The following ANO2 variants were observed in gnomAD, a reference collection of about 807,000 sequenced individuals.
The protein encoded by ANO2 is anoctamin-2.
A neutral mutation model predicts 124.2 loss-of-function variants in ANO2; 101 were observed. The observed-to-expected ratio is 0.81, with a 90% CI of 0.69 to 0.96. The LOEUF (loss-of-function observed/expected upper bound fraction) is 0.96. Among genes scored for constraint, ANO2 ranks in the 40% least tolerant of loss-of-function variants. The pLI, the probability that ANO2 is intolerant of heterozygous loss-of-function variation, is 0.00. For synonymous variants in ANO2, 486 were observed against 482.5 expected (o/e 1.01, Z -0.09); for missense variants, 1,293 against 1,274.5 (o/e 1.01, Z -0.22).
At chr12:5,809,618 A>T (rs1191597561) in intron 7 of ANO2, among the ~76,000 whole-genome samples, 1 of 152,244 alleles carries the variant, frequency 6.6e-6, no homozygotes, top group Non-Finnish European at 1.5e-5. Context: ...TCCTGGTCCC[A>T]GCTGCCAGAT....
intron 15 of ANO2, among the ~76,000 whole-genome samples, chr12:5,645,122 C>A (rs943268984): frequency 6.6e-6 from 1 of 151,782 alleles, no homozygotes; most frequent in Non-Finnish European, 1.5e-5. Context: ...TAGGAAACCA[C>A]CAGTCCTTAT....
intron 10 of ANO2, among the ~76,000 whole-genome samples, chr12:5,756,279 G>C (rs1030381873): frequency 1.3e-5 from 2 of 151,854 alleles, no homozygotes; most frequent in Admixed American, 1.3e-4. Flanking sequence ...ATTGTGTTTA[G>C]CTGTCTGTTC....
chr12:5,945,949 G>A (rs569640426), upstream of ANO2, among the ~76,000 whole-genome samples: 1 of 152,216 alleles, frequency 6.6e-6, no homozygotes, highest in South Asian at 2.1e-4. Context: ...CATCCCCAGA[G>A]GGGAAGAGGA....
chr12:5,566,557 C>T (rs1432964058), intron 23 of ANO2, among the ~76,000 whole-genome samples: 1 of 152,188 alleles, frequency 6.6e-6, no homozygotes, highest in African/African-American at 2.4e-5. Flanking sequence ...CTTTGCTCAT[C>T]CTGGGCCAGA....
intron 14 of ANO2, among the ~76,000 whole-genome samples, chr12:5,727,748 C>T (rs1336304816): frequency 6.6e-6 from 1 of 151,122 alleles, no homozygotes; most frequent in Non-Finnish European, 1.5e-5. Context: ...TGTCATTCTC[C>T]TGCCTCAGCC....
chr12:5,664,412 C>T (rs1408131918), intron 14 of ANO2, among the ~76,000 whole-genome samples: 4 of 152,238 alleles, frequency 2.6e-5, no homozygotes, highest in African/African-American at 9.6e-5. Flanking sequence ...TCCATCCATA[C>T]ATGCATCCAT....
chr12:5,852,312 G>A (rs1028654075), intron 4 of ANO2, among the ~76,000 whole-genome samples: 3 of 152,214 alleles, frequency 2.0e-5, no homozygotes, highest in African/African-American at 7.2e-5. Flanking sequence ...CAGTGCAATT[G>A]AAGGGGAAAG....
intron 14 of ANO2, among the ~76,000 whole-genome samples, chr12:5,721,508 T>TTTG (rs1555146218): frequency 3.1e-4 from 46 of 150,620 alleles, no homozygotes; most frequent in Non-Finnish European, 5.5e-4. Flanking sequence ...GGTTTTTTTT[T>TTTG]TTTGTTTTTT....
intron 3 of ANO2, among the ~76,000 whole-genome samples, chr12:5,916,491 T>TAAAAAAAAAAAAAAAAAAAAAAAAA (rs769233593): frequency 1.0e-5 from 1 of 98,124 alleles, no homozygotes. Flanking sequence ...TCGCAGCAGG[T>TAAAAAAAAAAAAAAAAAAAAAAAAA]TAAAAAAAAA....
At chr12:5,857,423 A>G (rs980933448) in intron 3 of ANO2, among the ~76,000 whole-genome samples, 12 of 152,104 alleles carry the variant, frequency 7.9e-5, no homozygotes, top group Non-Finnish European at 1.5e-5. Flanking sequence ...TGCCAGTCCC[A>G]TTTTTCGTTT....
chr12:5,854,038 C>T lies in ANO2; in HGVS notation c.633+5G>A, dbSNP rs1955011370. The T allele has an allele frequency of 1.9e-6, 3 of 1,612,464 alleles. No individual in the cohort carries two copies. In the African/African-American group the frequency reaches 4.0e-5, roughly 22 times the overall value. On this transcript the variant is annotated splice_donor_5th_base_variant and intron_variant, in intron 4 of 24. Transcript: ENST00000682330. ...GCCCAGAACCCAGGAGAAACATGCTCATACTTTCTTGGTAGGAACTTTGAT... is the reference window on the plus strand; with the variant it reads ...GCCCAGAACCCAGGAGAAACATGCTTATACTTTCTTGGTAGGAACTTTGAT...
At chr12:5,645,693 A>C (rs535287273) in intron 15 of ANO2, among the ~76,000 whole-genome samples, 287 of 152,212 alleles carry the variant, frequency 1.9e-3, no homozygotes, top group Non-Finnish European at 3.2e-3. Flanking sequence ...TGGTTCTTTC[A>C]TATGGTGCTT....
chr12:5,829,852 C>T (rs1177576221), intron 6 of ANO2, among the ~76,000 whole-genome samples: 1 of 152,198 alleles, frequency 6.6e-6, no homozygotes, highest in Non-Finnish European at 1.5e-5. Context: ...GGCAAAACGA[C>T]TGTAGAAGAA....
intron 1 of ANO2, among the ~76,000 whole-genome samples, chr12:5,936,001 C>G (rs764378594): frequency 7.2e-5 from 11 of 152,162 alleles, no homozygotes; most frequent in Non-Finnish European, 1.5e-4. Flanking sequence ...TAATGTTGAA[C>G]ATCTTTTTAC....
At chr12:5,612,591 A>C in intron 19 of ANO2, 65 bp downstream of exon 19, 1 of 1,380,752 alleles carries the variant, frequency 7.2e-7, no homozygotes, top group Non-Finnish European at 1.0e-6. Context: ...AACCTGCTGA[A>C]AGGCTGGCAC....
intron 14 of ANO2, among the ~76,000 whole-genome samples, chr12:5,691,340 AAAAAAAAGAAG>A (rs1565573128): frequency 6.8e-6 from 1 of 147,610 alleles, no homozygotes; most frequent in Non-Finnish European, 1.5e-5. Flanking sequence ...AAAAAAAAAA[AAAAAAAAGAAG>A]AAGAAGAAGA....
At chr12:5,727,331 A>T (rs1047154077) in intron 14 of ANO2, among the ~76,000 whole-genome samples, 4 of 152,088 alleles carry the variant, frequency 2.6e-5, no homozygotes, top group African/African-American at 9.7e-5. Flanking sequence ...CACAATGATT[A>T]TAAACTTCCT....
At chr12:5,817,267 T>G (rs1352773071) in intron 7 of ANO2, among the ~76,000 whole-genome samples, 3 of 152,190 alleles carry the variant, frequency 2.0e-5, no homozygotes, top group African/African-American at 7.2e-5. Flanking sequence ...CCATTTTACA[T>G]AAAAGTAAGC....
chr12:5,844,839 G>GTGTGTGTTTGTT (rs1555172474), intron 4 of ANO2, among the ~76,000 whole-genome samples: 1 of 150,866 alleles, frequency 6.6e-6, no homozygotes, highest in Admixed American at 6.6e-5. Flanking sequence ...CAGTTTTTGT[G>GTGTGTGTTTGTT]TGTTTGTTTG....
Sources: gnomAD v4.1 joint callset for allele counts (sites outside exome capture counted in the v4.1 genomes callset) on GRCh38, gnomAD v4.1.1 for gene constraint, MANE v1.5 for transcripts, NCBI Gene and HGNC (gene_info 2026-07-23, HGNC 2026-07-21) for gene names.